The following NRXN1 variants were observed in gnomAD, a reference collection of about 807,000 sequenced individuals.
NRXN1 encodes the protein neurexin-1.
In NRXN1, 39 loss-of-function variants were observed where a neutral mutation model predicts 150.9. That is an observed-to-expected ratio of 0.26 (90% CI 0.20 to 0.34). The LOEUF is 0.34. Among genes scored for constraint, NRXN1 ranks in the 10% least tolerant of loss-of-function variants. The pLI is 1.00. For missense variants in NRXN1, 1,815 were observed against 1,949.9 expected (o/e 0.93, Z 1.30); for synonymous variants, 924 against 757.0 (o/e 1.22, Z -3.62).
chr2:50,017,896 G>C (rs978258134), intron 21 of NRXN1, among the ~76,000 whole-genome samples: 2 of 151,910 alleles, frequency 1.3e-5, no homozygotes, highest in African/African-American at 4.8e-5. Flanking sequence ...TTCCATTTTG[G>C]GACAGGTCAT....
intron 5 of NRXN1, among the ~76,000 whole-genome samples, chr2:50,875,776 T>C (rs963301942): frequency 2.4e-4 from 37 of 151,958 alleles, no homozygotes; most frequent in African/African-American, 8.4e-4. Flanking sequence ...ACTAAGCTAA[T>C]GGGTGGCAGA....
intron 17 of NRXN1, among the ~76,000 whole-genome samples, chr2:50,308,798 T>C (rs1011127944): frequency 2.0e-5 from 3 of 152,202 alleles, no homozygotes; most frequent in African/African-American, 7.2e-5. Context: ...AAGAGCATGG[T>C]AGACAGGGAG....
At chr2:49,965,081 C>G (rs1000050988) in intron 21 of NRXN1, among the ~76,000 whole-genome samples, 5 of 151,806 alleles carry the variant, frequency 3.3e-5, no homozygotes, top group Non-Finnish European at 5.9e-5. Context: ...GGTTTCACCA[C>G]GTTTCCCAGG....
intron 2 of NRXN1, among the ~76,000 whole-genome samples, chr2:50,999,573 C>A (rs1346103683): frequency 1.3e-5 from 2 of 152,088 alleles, no homozygotes; most frequent in East Asian, 3.9e-4. Flanking sequence ...AAATTTCTCT[C>A]TTTTGTACTC....
In NRXN1 at chr2:50,675,335, A is replaced by T. The variant is rs528585063; in HGVS notation, c.833-51720T>A. Among the ~76,000 whole-genome samples the T allele has an allele frequency of 1.2e-4, 19 of 152,246 alleles. No homozygotes were observed. In the South Asian group the frequency reaches 3.7e-3, roughly 30 times the overall value. On this transcript the variant is annotated intron_variant, in intron 5 of 22. Coordinates refer to ENST00000401669, the MANE Select transcript of NRXN1 (RefSeq NM_001330078.2). ...TAATTGGCGATACTGCTTGCGTCTA[A>T]CGTGCTCCTCAAGTATTTTGGGCTG...
chr2:50,346,025 A>T lies in NRXN1; in HGVS notation c.3365-109055T>A, dbSNP rs2077933761. ...TATGTGCAGAGTGGATGGAAGGGGA[A>T]TGGTGTCCAGAGGTCCCCTCCATGC... On this transcript the variant is annotated intron_variant, in intron 17 of 22. Transcript: ENST00000401669. The surrounding 1 kb of genome is among the most constrained non-coding windows in gnomAD (Gnocchi z 5.0). Among the ~76,000 whole-genome samples, 1 of 152,222 alleles carries T rather than the reference A, an allele frequency of 6.6e-6. No individual in the cohort carries two copies. Among genetic ancestry groups the T allele is most frequent in the Non-Finnish European group, 1.5e-5 (1 of 68,038 alleles).
chr2:50,217,647 G>A (rs1559110782), intron 18 of NRXN1, among the ~76,000 whole-genome samples: 2 of 151,972 alleles, frequency 1.3e-5, no homozygotes, highest in African/African-American at 4.8e-5. Flanking sequence ...CTAGGAAAGC[G>A]TGCATTCTGT....
In NRXN1 at chr2:50,417,242, A is replaced by C. The variant is rs138039977; in HGVS notation, c.3364+48200T>G. On this transcript the variant is annotated intron_variant, in intron 17 of 22. Coordinates refer to ENST00000401669, the MANE Select transcript of NRXN1 (RefSeq NM_001330078.2). Reference sequence around the variant, plus strand: ...TCCACAAGATTGAGAAAAGGAAGACAGTGTGCTCTTGATCTGGATACACAT... The same window carrying C: ...TCCACAAGATTGAGAAAAGGAAGACCGTGTGCTCTTGATCTGGATACACAT... The C allele has an allele frequency of 8.5e-5, 13 of 152,294 alleles. No homozygotes were observed. In the East Asian group the frequency reaches 1.7e-3, roughly 20 times the overall value. 9.4% of individuals were successfully genotyped at this position (152,294 alleles called of 1,614,324 possible). A position where few individuals can be genotyped will look rare whatever the true frequency, so the allele number is the denominator to read the frequency against.
intron 17 of NRXN1, among the ~76,000 whole-genome samples, chr2:50,400,677 G>C (rs2082334870): frequency 6.6e-6 from 1 of 152,102 alleles, no homozygotes; most frequent in African/African-American, 2.4e-5. Context: ...GGACAAGTAA[G>C]GTTCTGCTCA....
intron 5 of NRXN1, among the ~76,000 whole-genome samples, chr2:50,828,117 T>C (rs1360209883): frequency 6.6e-6 from 1 of 151,828 alleles, no homozygotes; most frequent in Non-Finnish European, 1.5e-5. Context: ...AATGAGCTGT[T>C]GGGTACCCCT....
intron 18 of NRXN1, among the ~76,000 whole-genome samples, chr2:50,211,608 C>T (rs997554221): frequency 1.3e-5 from 2 of 151,230 alleles, no homozygotes; most frequent in African/African-American, 2.4e-5. Flanking sequence ...GTCTATAAAG[C>T]ATTTCATATA....
intron 2 of NRXN1, among the ~76,000 whole-genome samples, chr2:50,992,027 C>G (rs551947889): frequency 1.3e-5 from 2 of 151,954 alleles, no homozygotes; most frequent in Admixed American, 6.6e-5. Context: ...AGACTCAATC[C>G]GAGAGGGGAT....
intron 12 of NRXN1, among the ~76,000 whole-genome samples, chr2:50,515,940 T>A (rs2092618852): frequency 6.6e-6 from 1 of 152,154 alleles, no homozygotes. Flanking sequence ...GCCTACTATT[T>A]GACTTTCCCA....
chr2:50,264,550 A>T (rs1232750718), intron 17 of NRXN1, among the ~76,000 whole-genome samples: 2 of 152,008 alleles, frequency 1.3e-5, no homozygotes, highest in African/African-American at 4.8e-5. Flanking sequence ...TATATCATAT[A>T]TATGTTAAAT....
chr2:50,574,063 T>G (rs1487191738), intron 8 of NRXN1, among the ~76,000 whole-genome samples: 1 of 152,108 alleles, frequency 6.6e-6, no homozygotes, highest in Non-Finnish European at 1.5e-5. Context: ...CAACAGTTTT[T>G]CCCAGGACTG....
At chr2:50,090,821 T>A in intron 19 of NRXN1, among the ~76,000 whole-genome samples, 1 of 152,160 alleles carries the variant, frequency 6.6e-6, no homozygotes, top group East Asian at 1.9e-4. Flanking sequence ...TGCTGATTTA[T>A]GCTACTATTG....
chr2:50,876,491 G>A lies in NRXN1; in HGVS notation c.832+45378C>T, dbSNP rs144281686. Among the ~76,000 whole-genome samples the A allele has an allele frequency of 4.0e-3, 613 of 151,890 alleles. 5 individuals are homozygous for A. The highest frequency in any genetic ancestry group is 0.014 in the African/African-American group (575 of 41,494). On this transcript the variant is annotated intron_variant, in intron 5 of 22. Coordinates refer to ENST00000401669, the MANE Select transcript of NRXN1 (RefSeq NM_001330078.2). ...TGTACTACACACTAGGAAAGCGAAGGTGAGTCAAGCCCAGGGCCTGATGTA... is the reference window on the plus strand; with the variant it reads ...TGTACTACACACTAGGAAAGCGAAGATGAGTCAAGCCCAGGGCCTGATGTA...
At chr2:50,413,152 C>T (rs150823069) in intron 17 of NRXN1, among the ~76,000 whole-genome samples, 2 of 152,280 alleles carry the variant, frequency 1.3e-5, no homozygotes, top group South Asian at 2.1e-4. Flanking sequence ...AGACCACCCA[C>T]AGAATGGGAG....
At chr2:50,128,995 A>AAATG (rs1012847060) in intron 18 of NRXN1, among the ~76,000 whole-genome samples, 4 of 146,604 alleles carry the variant, frequency 2.7e-5, no homozygotes, top group Admixed American at 2.7e-4. Context: ...ATAAATAAAT[A>AAATG]AATAAATAAA....
Sources: allele counts gnomAD v4.1 joint callset (sites outside exome capture counted in the v4.1 genomes callset), GRCh38; gene constraint gnomAD v4.1.1; non-coding constraint Gnocchi (gnomAD v3.1); transcripts MANE v1.5; gene names NCBI Gene and HGNC (gene_info 2026-07-23, HGNC 2026-07-21).